PTPN4: variants seen among roughly 807,000 people sequenced by gnomAD.
PTPN4 encodes the protein tyrosine-protein phosphatase non-receptor type 4.
Under a neutral mutation model 135.5 loss-of-function variants are expected in PTPN4, and 49 were observed. That is an observed-to-expected ratio of 0.36 (90% CI 0.29 to 0.46). The LOEUF (loss-of-function observed/expected upper bound fraction) is 0.46, where lower values mean the gene tolerates loss of function less well. PTPN4 is among the 20% of genes least tolerant of loss of function. The pLI is 1.00. For missense variants in PTPN4, 860 were observed against 1,101.0 expected, an observed-to-expected ratio of 0.78 and a Z score of 3.10; for synonymous variants, 333 against 369.9, an observed-to-expected ratio of 0.90 and a Z score of 1.14.
chr2:119,825,832 A>T (rs1677138911), intron 2 of PTPN4, among the ~76,000 whole-genome samples: 1 of 152,002 alleles, frequency 6.6e-6, no homozygotes, highest in East Asian at 1.9e-4. Context: ...TGGTGTTTTT[A>T]TTTCCCACAA....
intron 1 of PTPN4, among the ~76,000 whole-genome samples, chr2:119,771,916 G>A (rs1690741702): frequency 6.6e-6 from 1 of 152,168 alleles, no homozygotes. Flanking sequence ...ACTGTAGCCA[G>A]AGTGATCTGA....
chr2:119,761,543 CGTAA>C, intron 1 of PTPN4, among the ~76,000 whole-genome samples: 1 of 152,246 alleles, frequency 6.6e-6, no homozygotes, highest in East Asian at 1.9e-4. Context: ...TTCACTAGCT[CGTAA>C]GTGTGATCAT....
intron 7 of PTPN4, 47 bp downstream of exon 7, chr2:119,882,196 TG>T (rs1460214513): frequency 1.3e-6 from 2 of 1,525,324 alleles, no homozygotes; most frequent in African/African-American, 2.7e-5. Flanking sequence ...AACTGTGGTT[TG>T]TGTTGCTAGT....
chr2:119,864,885 T>C (rs1339713106), intron 3 of PTPN4, among the ~76,000 whole-genome samples: 1 of 152,140 alleles, frequency 6.6e-6, no homozygotes, highest in Non-Finnish European at 1.5e-5. Context: ...TCCAGTTGTT[T>C]ATGATTCAAA....
chr2:119,902,362 T>TCA lies in PTPN4; in HGVS notation c.764+1565_764+1566dup, dbSNP rs563216717. 2.0e-5 allele frequency among the ~76,000 whole-genome samples: 3 copies of TCA among 152,308 alleles called. No individual in the cohort carries two copies. In the East Asian group the frequency reaches 5.8e-4, roughly 29 times the overall value. ...AGAAGTGAACGAGAAATAAAGACTTTCACACACACAAACAAAAATTGATTG... is the reference window on the plus strand; with the variant it reads ...AGAAGTGAACGAGAAATAAAGACTTTCACACACACACAAACAAAAATTGATTG... On this transcript the variant is annotated intron_variant, in intron 10 of 26. Coordinates refer to ENST00000263708, the MANE Select transcript of PTPN4 (RefSeq NM_002830.4).
Position 119,951,956 on chromosome 2 carries a change from T to C in PTPN4, c.1657-17T>C. ...AGTTGCATGCCAATCTGAAACCTTA[T>C]CTATATTATATTACAGGCTGACCTC... On this transcript the variant is annotated splice_polypyrimidine_tract_variant and intron_variant, in intron 18 of 26. Coordinates refer to ENST00000263708, the MANE Select transcript of PTPN4 (RefSeq NM_002830.4). 1 of 1,569,882 alleles carries C rather than the reference T, an allele frequency of 6.4e-7. No homozygotes were observed. The highest frequency in any genetic ancestry group is 8.6e-7 in the Non-Finnish European group (1 of 1,158,054).
At chr2:119,886,267 T>G (rs1212783706) in intron 9 of PTPN4, among the ~76,000 whole-genome samples, 1 of 152,198 alleles carries the variant, frequency 6.6e-6, no homozygotes, top group African/African-American at 2.4e-5. Context: ...TTACTTTGTT[T>G]TCATCATTTA....
intron 2 of PTPN4, among the ~76,000 whole-genome samples, chr2:119,817,152 G>A (rs1440383789): frequency 6.6e-6 from 1 of 152,114 alleles, no homozygotes; most frequent in Non-Finnish European, 1.5e-5. Flanking sequence ...GTCCTGAATG[G>A]TATTGCCTAG....
chr2:119,840,280 A>G (rs189520650), intron 2 of PTPN4, among the ~76,000 whole-genome samples: 1 of 152,228 alleles, frequency 6.6e-6, no homozygotes, highest in Non-Finnish European at 1.5e-5. Context: ...ACCCTCTCAC[A>G]GGTCTCACAG....
At chr2:119,784,273 C>CTT (rs573937387) in intron 1 of PTPN4, among the ~76,000 whole-genome samples, 29 of 131,678 alleles carry the variant, frequency 2.2e-4, no homozygotes, top group South Asian at 4.9e-4. Context: ...TGTAGACTCC[C>CTT]TTTTTTTTTT....
intron 3 of PTPN4, among the ~76,000 whole-genome samples, chr2:119,872,471 A>G (rs1010082229): frequency 1.3e-5 from 2 of 152,216 alleles, no homozygotes; most frequent in African/African-American, 4.8e-5. Context: ...GATCTTTGCT[A>G]TCTTGGGCAT....
chr2:119,895,991 A>G (rs892248039), intron 9 of PTPN4, among the ~76,000 whole-genome samples: 2 of 152,028 alleles, frequency 1.3e-5, no homozygotes, highest in Non-Finnish European at 2.9e-5. Context: ...GGGTATGTGC[A>G]GAAAATGTTA....
rs552948305 is a variant in PTPN4, at chr2:119,837,921, A to C, written c.139-24615A>C. Among the ~76,000 whole-genome samples the C allele has an allele frequency of 6.6e-5, 10 of 152,340 alleles. No homozygotes were observed. The East Asian group carries it at 1.6e-3, about 24-fold the overall frequency. The stretch of plus-strand genomic sequence containing the variant: ...GGGGCTGCCTGCCCTGGCTGTGTGC[A>C]GTGGCTGGACCCTGTGCTCACTCGC... On this transcript the variant is annotated intron_variant, in intron 2 of 26. Transcript: ENST00000263708.
intron 1 of PTPN4, among the ~76,000 whole-genome samples, chr2:119,769,686 C>T (rs543706003): frequency 2.0e-5 from 3 of 152,310 alleles, no homozygotes; most frequent in East Asian, 1.9e-4. Flanking sequence ...AATACCTTTG[C>T]GTTTCAAGGG....
chr2:119,959,347 GA>G (rs1192879727), intron 22 of PTPN4, among the ~76,000 whole-genome samples: 1 of 152,084 alleles, frequency 6.6e-6, no homozygotes, highest in Non-Finnish European at 1.5e-5. Flanking sequence ...AAGTGCAAAT[GA>G]AAACTTCAAG....
rs1420191465 is a variant in PTPN4 at position 119,945,229 on chromosome 2, G to A, written c.1504G>A (p.Glu502Lys). The A allele has an allele frequency of 6.4e-7, 1 of 1,561,428 alleles. No homozygotes were observed. The highest frequency in any genetic ancestry group is 2.4e-5 in the East Asian group (1 of 41,732). Residue 502 changes from glutamate (E) to lysine (K), a missense_variant, in exon 16 of 27, where the codon GAA becomes AAA. Around this residue, in one of 2 missense-constraint regions of PTPN4, gnomAD observed 684 missense variants for 807.0 expected, o/e 0.85. Transcript: ENST00000263708. ...AACATTTGATATTCCATCTTCTCCT[G>A]AAAAACCCACTGTAAGTAGCTTCTT... ...NETFDIPSSPEKPTPNGGIPH... is the reference protein window; with the variant it reads ...NETFDIPSSPKKPTPNGGIPH...
chr2:119,962,518 A>G (rs554745358), intron 23 of PTPN4, 98 bp from the exon 24 acceptor site: 1 of 699,940 alleles, frequency 1.4e-6, no homozygotes, highest in South Asian at 6.2e-5. Context: ...TGTAACTTTT[A>G]TATGTTTGAA....
intron 15 of PTPN4, among the ~76,000 whole-genome samples, chr2:119,941,756 C>T (rs1679064932): frequency 6.6e-6 from 1 of 152,140 alleles, no homozygotes; most frequent in Admixed American, 6.6e-5. Context: ...TGGCTTAAAT[C>T]CCAACCTCAG....
intron 1 of PTPN4, among the ~76,000 whole-genome samples, chr2:119,779,339 TG>T (rs1232826698): frequency 6.6e-6 from 1 of 152,180 alleles, no homozygotes; most frequent in Non-Finnish European, 1.5e-5. Flanking sequence ...AATTGTCGGC[TG>T]GGCGCGGTGG....
Sources: allele counts gnomAD v4.1 joint callset (sites outside exome capture counted in the v4.1 genomes callset), GRCh38; gene constraint gnomAD v4.1.1; regional missense constraint gnomAD v4.1.1; transcripts MANE v1.5; gene names NCBI Gene and HGNC (gene_info 2026-07-23, HGNC 2026-07-21).